Variants in MYH14 observed in about 807,000 individuals in gnomAD.
MYH14 encodes the protein myosin heavy chain 14, also known as myosin-14.
MYH14 carries 123 observed loss-of-function variants against 255.5 expected under a neutral mutation model. The ratio of observed to expected loss-of-function variants is 0.48; its 90% CI spans 0.42 to 0.56. The LOEUF (loss-of-function observed/expected upper bound fraction) is 0.56, where lower values mean the gene tolerates loss of function less well. MYH14 is among the 20% of genes least tolerant of loss of function. The probability of loss-of-function intolerance (pLI) is 0.00; values close to 1 mark genes in which losing one functional copy is unlikely to be tolerated. For missense variants in MYH14, 2,423 were observed against 2,802.3 expected (o/e 0.86, Z 3.06); for synonymous variants, 1,095 against 1,161.2 (o/e 0.94, Z 1.16).
chr19:50,257,444 C>A lies in MYH14; in HGVS notation c.2190C>A (p.Asn730Lys), dbSNP rs779851591. Residue 730 changes from asparagine (N) to lysine (K), a missense_variant, in exon 18 of 43, where the codon AAC (asparagine) becomes AAA (lysine). Coordinates refer to ENST00000642316, the MANE Select transcript of MYH14 (RefSeq NM_001145809.2). ...SRLMATLSNT[N>K]PSFVRCIVPN... The stretch of plus-strand genomic sequence containing the variant: ...TCATGGCCACACTCAGCAACACCAA[C>A]CCCAGTTTTGTCCGCTGCATTGTCC... The A allele has an allele frequency of 1.3e-5, 21 of 1,608,000 alleles. No homozygotes were observed. Among genetic ancestry groups the A allele is most frequent in the Non-Finnish European group, 1.8e-5 (21 of 1,177,136 alleles).
chr19:50,268,065 T>G (rs8112720), intron 23 of MYH14, 96 bp from the exon 24 acceptor site: 2 of 1,463,130 alleles, frequency 1.4e-6, no homozygotes, highest in African/African-American at 2.8e-5. Context: ...CCTGGAGAAC[T>G]TAAAGGCCAA....
In MYH14 at chr19:50,293,274, G is replaced by A. The variant is rs1473599667; in HGVS notation, c.5298G>A (p.Gln1766=). The A allele has an allele frequency of 1.2e-6, 2 of 1,610,110 alleles. No homozygotes were observed. Among genetic ancestry groups the A allele is most frequent in the Non-Finnish European group, 1.7e-6 (2 of 1,178,484 alleles). The change falls in exon 38 of 43, where the codon CAG becomes CAA. Residue 1766 remains glutamine, a synonymous_variant. Coordinates refer to ENST00000642316, the MANE Select transcript of MYH14 (RefSeq NM_001145809.2). The surrounding 1 kb of genome is among the most constrained non-coding windows in gnomAD (Gnocchi z 4.1). The part of the protein sequence containing the change: ...ASDRARRQAQ[Q]DRDEMADEVA... ...ACCGTGCTCGGCGGCAGGCCCAGCA[G>A]GACCGGGATGAGATGGCAGATGAGG...
intron 8 of MYH14, among the ~76,000 whole-genome samples, chr19:50,228,149 G>A (rs2033197770): frequency 1.3e-5 from 2 of 152,064 alleles, no homozygotes; most frequent in South Asian, 2.1e-4. Flanking sequence ...AGCCGGGCGT[G>A]GTGGCGCATG....
At chr19:50,234,243 G>A (rs1317514012) in intron 10 of MYH14, among the ~76,000 whole-genome samples, 1 of 152,158 alleles carries the variant, frequency 6.6e-6, no homozygotes, top group Non-Finnish European at 1.5e-5. Context: ...GGAGGGGGTG[G>A]TGTAGACATG....
At chr19:50,300,376 A>G (rs1244139688) in intron 39 of MYH14, among the ~76,000 whole-genome samples, 1 of 152,234 alleles carries the variant, frequency 6.6e-6, no homozygotes, top group Non-Finnish European at 1.5e-5. Context: ...CTGTGCTAAT[A>G]AAACTAGCAG....
chr19:50,215,179 C>T (rs530847434), intron 2 of MYH14, among the ~76,000 whole-genome samples: 3 of 152,178 alleles, frequency 2.0e-5, no homozygotes, highest in Non-Finnish European at 2.9e-5. Context: ...CCCAGGGTGT[C>T]GCCCTGGAAA....
chr19:50,208,393 T>G (rs1361535745), intron 1 of MYH14, among the ~76,000 whole-genome samples: 1 of 151,792 alleles, frequency 6.6e-6, no homozygotes, highest in African/African-American at 2.4e-5. Flanking sequence ...CCAGCCTGGG[T>G]GACAGAGCAA....
intron 2 of MYH14, among the ~76,000 whole-genome samples, chr19:50,213,114 A>G (rs565527650): frequency 0.038 from 5,820 of 152,070 alleles, 116 homozygotes; most frequent in Middle Eastern, 0.054. Flanking sequence ...CACCAGGCCC[A>G]GCTAATTTTT....
At chr19:50,211,891 G>A (rs557754110) in intron 2 of MYH14, among the ~76,000 whole-genome samples, 112 of 152,174 alleles carry the variant, frequency 7.4e-4, no homozygotes, top group Middle Eastern at 6.8e-3. Context: ...GGGAGGCTGA[G>A]GTGGGAGAAT....
intron 39 of MYH14, among the ~76,000 whole-genome samples, chr19:50,296,275 A>G (rs4802689): frequency 0.84 from 127,287 of 152,096 alleles, 53,508 homozygotes; most frequent in East Asian, 1. Context: ...GTATCCCTAT[A>G]TCCACGTTGT....
At chr19:50,296,614 A>G (rs921240612) in intron 39 of MYH14, among the ~76,000 whole-genome samples, 1 of 152,230 alleles carries the variant, frequency 6.6e-6, no homozygotes, top group Non-Finnish European at 1.5e-5. Context: ...CTCAAAAAAA[A>G]GAAAAAGAAA....
Position 50,281,681 on chromosome 19 carries a change from G to C in MYH14, c.4378G>C (p.Glu1460Gln), listed in dbSNP as rs746679895. ...ACGGCGCCGGGCAGCCCGGGAGGCC[G>C]AGGCCCTGACCCAGCGCCTGGCAGA... The part of the protein sequence containing the change: ...EARRRAAREA[E>Q]ALTQRLAEKT... Residue 1460 changes from glutamate (E) to glutamine (Q), a missense_variant, in exon 33 of 43, where the codon GAG (glutamate) becomes CAG (glutamine). Glu to Gln is a conservative substitution (Grantham distance 29). This residue lies in a region of MYH14 where 1,513 missense variants were observed against 1,674.8 expected (regional missense o/e 0.90). Transcript: ENST00000642316. 6.2e-7 allele frequency: 1 copy of C among 1,611,102 alleles called. No homozygotes were observed. The highest frequency in any genetic ancestry group is 1.3e-5 in the African/African-American group (1 of 74,896).
At chr19:50,306,905 A>G (rs1455958816) in intron 40 of MYH14, 144 bp from the exon 41 acceptor site, 5 of 662,432 alleles carry the variant, frequency 7.5e-6, no homozygotes, top group Non-Finnish European at 1.4e-5. Flanking sequence ...GTTTGGCCTC[A>G]GTAAACTGTG....
chr19:50,293,604 C>G lies in MYH14; in HGVS notation c.5386C>G (p.Leu1796Val), dbSNP rs2036162876. Residue 1796 changes from leucine to valine, a missense_variant, in exon 39 of 43, where the codon CTG becomes GTG. Coordinates refer to ENST00000642316, the MANE Select transcript of MYH14 (RefSeq NM_001145809.2). This position sits in a 1 kb window ranked among gnomAD's most constrained non-coding sequence, Gnocchi z 4.1. The part of the protein sequence containing the change: ...LEEKRQLEGR[L>V]GQLEEELEEE... ...GGAGAAGCGTCAGCTGGAGGGGCGC[C>G]TGGGGCAGTTGGAGGAAGAGCTGGA... 2 of 1,613,136 alleles carry G rather than the reference C, an allele frequency of 1.2e-6. No homozygotes were observed. The highest frequency in any genetic ancestry group is 2.7e-5 in the African/African-American group (2 of 75,004).
chr19:50,309,290 G>A (rs984914908), intron 42 of MYH14, 113 bp downstream of exon 42: 7 of 1,086,854 alleles, frequency 6.4e-6, no homozygotes, highest in Non-Finnish European at 9.8e-6. Flanking sequence ...GATCCACGGG[G>A]GTGTGGGGCT....
chr19:50,243,121 C>G (rs1044435196), intron 10 of MYH14, among the ~76,000 whole-genome samples: 1 of 152,062 alleles, frequency 6.6e-6, no homozygotes, highest in Non-Finnish European at 1.5e-5. Context: ...TAAGGTGTCT[C>G]TAAAACAAAA....
chr19:50,219,012 ATTTTT>A (rs1212044403), intron 3 of MYH14, among the ~76,000 whole-genome samples: 26 of 42,182 alleles, frequency 6.2e-4, no homozygotes, highest in Non-Finnish European at 2.2e-3. Context: ...GTATATATAT[ATTTTT>A]TATATATACA....
chr19:50,283,563 A>G (rs1164392155), intron 33 of MYH14, among the ~76,000 whole-genome samples: 1 of 152,148 alleles, frequency 6.6e-6, no homozygotes, highest in East Asian at 1.9e-4. Flanking sequence ...TTTGATGAAC[A>G]TTTGGGTTTT....
Position 50,250,746 on chromosome 19 carries a change from G to T in MYH14, c.1830+58G>T. The T allele has an allele frequency of 6.5e-7, 1 of 1,527,452 alleles. No homozygotes were observed. 94.6% of individuals were successfully genotyped at this position (1,527,452 alleles called of 1,614,324 possible). A position where few individuals can be genotyped will look rare whatever the true frequency, so the allele number is the denominator to read the frequency against. The stretch of plus-strand genomic sequence containing the variant: ...GAGTGGGGATCAAGGGATCTCCACT[G>T]GCTACAGATGGGGGGAGGGTGCAGA... On this transcript the variant is annotated intron_variant, in intron 15 of 42. Transcript: ENST00000642316. This position sits in a 1 kb window ranked among gnomAD's most constrained non-coding sequence, Gnocchi z 5.4.
Sources: gnomAD v4.1 joint callset for allele counts (sites outside exome capture counted in the v4.1 genomes callset) on GRCh38, gnomAD v4.1.1 for gene constraint, gnomAD v4.1.1 regional missense constraint, Gnocchi (gnomAD v3.1) non-coding constraint, MANE v1.5 for transcripts, NCBI Gene and HGNC (gene_info 2026-07-23, HGNC 2026-07-21) for gene names.